XKR4: variants seen among roughly 807,000 people sequenced by gnomAD.
XKR4 encodes XK related 4.
Under a neutral mutation model 53.9 loss-of-function variants are expected in XKR4, and 12 were observed. The observed-to-expected ratio is 0.22, with a 90% CI of 0.14 to 0.36. The LOEUF (loss-of-function observed/expected upper bound fraction) is 0.36, where lower values mean the gene tolerates loss of function less well. Among genes scored for constraint, XKR4 ranks in the 10% least tolerant of loss-of-function variants. The probability of loss-of-function intolerance (pLI) is 1.00; values close to 1 mark genes in which losing one functional copy is unlikely to be tolerated. For missense variants in XKR4, 799 were observed against 859.5 expected, an observed-to-expected ratio of 0.93 and a Z score of 0.88; for synonymous variants, 354 against 362.4, an observed-to-expected ratio of 0.98 and a Z score of 0.26.
chr8:55,241,275 T>G (rs1457529278), intron 1 of XKR4, among the ~76,000 whole-genome samples: 1 of 152,212 alleles, frequency 6.6e-6, no homozygotes, highest in East Asian at 1.9e-4. Context: ...TCTTCCCTCA[T>G]AGATCCCTAT....
intron 1 of XKR4, among the ~76,000 whole-genome samples, chr8:55,269,716 A>T (rs971598851): frequency 1.3e-5 from 2 of 152,232 alleles, no homozygotes; most frequent in Non-Finnish European, 2.9e-5. Flanking sequence ...GTCTTTAAGA[A>T]TCAATTCCGC....
At chr8:55,303,440 A>T (rs1819236859) in intron 1 of XKR4, among the ~76,000 whole-genome samples, 1 of 152,236 alleles carries the variant, frequency 6.6e-6, no homozygotes, top group East Asian at 1.9e-4. Context: ...TTCATCAAGG[A>T]TATTGGTCTA....
At chr8:55,514,147 G>A (rs1806674538) in intron 2 of XKR4, among the ~76,000 whole-genome samples, 1 of 151,892 alleles carries the variant, frequency 6.6e-6, no homozygotes, top group East Asian at 1.9e-4. Flanking sequence ...TTTTTCATCT[G>A]TAAAATGGAC....
At chr8:55,117,127 T>G (rs1185086849) in intron 1 of XKR4, among the ~76,000 whole-genome samples, 2 of 152,236 alleles carry the variant, frequency 1.3e-5, no homozygotes, top group Non-Finnish European at 2.9e-5. Flanking sequence ...ACTTTATAAA[T>G]ATGGCTACCA....
intron 2 of XKR4, among the ~76,000 whole-genome samples, chr8:55,416,816 G>T (rs1010479446): frequency 1.8e-4 from 28 of 152,190 alleles, no homozygotes; most frequent in Admixed American, 1.4e-3. Flanking sequence ...TAAGCCGTAT[G>T]CCCAAGTCTA....
intron 1 of XKR4, among the ~76,000 whole-genome samples, chr8:55,243,574 C>T (rs1371506382): frequency 6.6e-6 from 1 of 152,302 alleles, no homozygotes; most frequent in Non-Finnish European, 1.5e-5. Flanking sequence ...CAATTCATTT[C>T]GGTAAATACC....
intron 2 of XKR4, among the ~76,000 whole-genome samples, chr8:55,407,575 C>A (rs1407992471): frequency 6.6e-6 from 1 of 152,100 alleles, no homozygotes; most frequent in African/African-American, 2.4e-5. Flanking sequence ...GTCAGATGCC[C>A]CGGGCTCAAC....
chr8:55,235,837 C>T (rs1307587260), intron 1 of XKR4, among the ~76,000 whole-genome samples: 1 of 152,112 alleles, frequency 6.6e-6, no homozygotes, highest in Non-Finnish European at 1.5e-5. Flanking sequence ...TGCCAAGTTA[C>T]AAATTGGCAA....
At chr8:55,509,181 G>T (rs1806586103) in intron 2 of XKR4, among the ~76,000 whole-genome samples, 1 of 152,152 alleles carries the variant, frequency 6.6e-6, no homozygotes, top group Non-Finnish European at 1.5e-5. Context: ...ACGTAGCACT[G>T]CTCTGAACAG....
intron 1 of XKR4, among the ~76,000 whole-genome samples, chr8:55,214,538 C>T (rs1446904571): frequency 6.6e-6 from 1 of 152,294 alleles, no homozygotes; most frequent in East Asian, 1.9e-4. Context: ...CACATTTATA[C>T]AGGTACATGG....
intron 2 of XKR4, among the ~76,000 whole-genome samples, chr8:55,421,181 T>C (rs905326495): frequency 6.6e-6 from 1 of 152,244 alleles, no homozygotes. Flanking sequence ...CTGAGGTTTA[T>C]CAAGTGCTTT....
At chr8:55,121,777 T>C (rs563811564) in intron 1 of XKR4, among the ~76,000 whole-genome samples, 6 of 141,118 alleles carry the variant, frequency 4.3e-5, no homozygotes, top group Non-Finnish European at 9.1e-5. Context: ...ACAAATGTAA[T>C]TATGAGGTAA....
In XKR4 at chr8:55,103,396, C is replaced by G. The variant is rs990235980; in HGVS notation, c.806+102C>G. ...CTTTCAGGGTTGCTTTGGTAGTAAC[C>G]CTAGTCACACTCTTCCAGTTTTTTG... On this transcript the variant is annotated intron_variant, in intron 1 of 2. Transcript: ENST00000327381. 15 of 1,484,092 alleles carry G rather than the reference C, an allele frequency of 1.0e-5. No individual in the cohort carries two copies. In the African/African-American group the frequency reaches 2.1e-4, roughly 21 times the overall value. 91.9% of individuals were successfully genotyped at this position (1,484,092 alleles called of 1,614,324 possible).
intron 1 of XKR4, among the ~76,000 whole-genome samples, chr8:55,316,320 C>T (rs1439066424): frequency 2.0e-5 from 3 of 152,266 alleles, no homozygotes; most frequent in Non-Finnish European, 2.9e-5. Flanking sequence ...CAGTCACATC[C>T]GATCTCCAGC....
intron 2 of XKR4, among the ~76,000 whole-genome samples, chr8:55,404,595 C>T (rs911537548): frequency 6.6e-6 from 1 of 152,206 alleles, no homozygotes; most frequent in Admixed American, 6.5e-5. Flanking sequence ...ATCTCGCTAA[C>T]CCACTTGTTA....
rs75010376 is a variant in XKR4, at chr8:55,338,249, C to T, written c.807-19429C>T. ...AACTGTTGTTTTCCTAGATCCCCCT[C>T]CCACACAATCCTTGGTGAGAAAAAT... On this transcript the variant is annotated intron_variant, in intron 1 of 2. Transcript: ENST00000327381. Among the ~76,000 whole-genome samples, 1,332 of 152,294 alleles carry T rather than the reference C, an allele frequency of 8.7e-3. 23 individuals carry two copies. The highest frequency in any genetic ancestry group is 0.029 in the African/African-American group (1,224 of 41,556).
At chr8:55,456,383 G>T (rs1226297257) in intron 2 of XKR4, among the ~76,000 whole-genome samples, 4 of 151,938 alleles carry the variant, frequency 2.6e-5, no homozygotes, top group Non-Finnish European at 5.9e-5. Flanking sequence ...GTGAGCTGAG[G>T]TTGCGCCATT....
At chr8:55,214,486 A>T (rs1330346518) in intron 1 of XKR4, among the ~76,000 whole-genome samples, 1 of 152,244 alleles carries the variant, frequency 6.6e-6, no homozygotes, top group African/African-American at 2.4e-5. Flanking sequence ...GAATAAATGA[A>T]TGAGAAGATT....
intron 1 of XKR4, among the ~76,000 whole-genome samples, chr8:55,213,528 A>G (rs976360439): frequency 1.3e-5 from 2 of 152,174 alleles, no homozygotes; most frequent in Non-Finnish European, 2.9e-5. Context: ...CTCTAGCTGC[A>G]TAACTCCTAA....
Sources: allele counts gnomAD v4.1 joint callset (sites outside exome capture counted in the v4.1 genomes callset), GRCh38; gene constraint gnomAD v4.1.1; transcripts MANE v1.5; gene names NCBI Gene and HGNC (gene_info 2026-07-23, HGNC 2026-07-21).